Variants in TPMT observed in about 807,000 individuals in gnomAD.
The protein encoded by TPMT is S-adenosyl-L-methionine:thiopurine S-methyltransferase.
In TPMT, 18 loss-of-function variants were observed where a neutral mutation model predicts 34.2. The observed-to-expected ratio is 0.53, with a 90% CI of 0.36 to 0.78. TPMT has a LOEUF of 0.78. TPMT is among the 30% of genes least tolerant of loss of function. The probability of loss-of-function intolerance (pLI) is 0.00; values close to 1 mark genes in which losing one functional copy is unlikely to be tolerated. For synonymous variants in TPMT, 69 were observed against 92.4 expected, an observed-to-expected ratio of 0.75 and a Z score of 1.45; for missense variants, 265 against 288.1, an observed-to-expected ratio of 0.92 and a Z score of 0.58.
Position 18,149,644 on chromosome 6 carries a change from T to TTG in TPMT, c.-44-474_-44-473insCA, listed in dbSNP as rs1374930884. Among the ~76,000 whole-genome samples the TTG allele has an allele frequency of 1.3e-5, 2 of 152,052 alleles. No individual in the cohort carries two copies. The highest frequency in any genetic ancestry group is 6.6e-5 in the Admixed American group (1 of 15,252). ...GGTTAATTTTTGTATATATATATTT[T>TTG]TTAATAGAGATGGTTCTCATTTTGT... On this transcript the variant is annotated intron_variant, in intron 1 of 8. Transcript: ENST00000309983. The surrounding 1 kb of genome is among the most constrained non-coding windows in gnomAD (Gnocchi z 5.0).
intron 4 of TPMT, among the ~76,000 whole-genome samples, chr6:18,142,029 A>G (rs968835902): frequency 6.6e-6 from 1 of 152,166 alleles, no homozygotes; most frequent in Non-Finnish European, 1.5e-5. Flanking sequence ...CAGCCTTCCC[A>G]GCACGTTATG....
At chr6:18,147,982 C>G in intron 2 of TPMT, 67 bp from the exon 3 acceptor site, 8 of 1,196,014 alleles carry the variant, frequency 6.7e-6, no homozygotes, top group Non-Finnish European at 9.9e-6. Flanking sequence ...CATTCATTAT[C>G]TCACTTAATA....
rs1225316833 is a variant in TPMT, at chr6:18,132,449, T to C, written c.581-272A>G. Among the ~76,000 whole-genome samples the C allele has an allele frequency of 1.3e-5, 2 of 152,070 alleles. No individual in the cohort carries two copies. The highest frequency in any genetic ancestry group is 2.9e-5 in the Non-Finnish European group (2 of 68,012). On this transcript the variant is annotated intron_variant, in intron 7 of 8. Transcript: ENST00000309983. This position sits in a 1 kb window ranked among gnomAD's most constrained non-coding sequence, Gnocchi z 4.8. ...GAGTGGATTCCATCAGCAGATTCCT[T>C]GGGGGTTTCAACCATCTTCTAGCAT...
chr6:18,133,904 A>G lies in TPMT; in HGVS notation c.495-15T>C. 1.2e-6 allele frequency: 2 copies of G among 1,604,304 alleles called. No homozygotes were observed. The highest frequency in any genetic ancestry group is 4.5e-5 in the East Asian group (2 of 44,808). ...TATCTGCATAGCTACAAAGAACACA[A>G]GAAGGTATTTGTTACATTTCTCTAC... On this transcript the variant is annotated splice_polypyrimidine_tract_variant and intron_variant, in intron 6 of 8. Coordinates refer to ENST00000309983, the MANE Select transcript of TPMT (RefSeq NM_000367.5).
In TPMT at chr6:18,140,379, T is replaced by C. The variant is rs1399530973; in HGVS notation, c.367-662A>G. ...CAGAGCAGGGGCCTGCCTGGGAGCA[T>C]CAGGGAGACTAAACAAAAGGTGACT... is the stretch of plus-strand genomic sequence containing the variant. On this transcript the variant is annotated intron_variant, in intron 4 of 8. Coordinates refer to ENST00000309983, the MANE Select transcript of TPMT (RefSeq NM_000367.5). The surrounding 1 kb of genome is among the most constrained non-coding windows in gnomAD (Gnocchi z 4.7). Among the ~76,000 whole-genome samples, 2 of 152,160 alleles carry C rather than the reference T, an allele frequency of 1.3e-5. No homozygotes were observed. Among genetic ancestry groups the C allele is most frequent in the African/African-American group, 4.8e-5 (2 of 41,434 alleles).
At chr6:18,137,584 TATTTTA>T (rs1451431487) in intron 6 of TPMT, among the ~76,000 whole-genome samples, 3 of 152,244 alleles carry the variant, frequency 2.0e-5, no homozygotes, top group Non-Finnish European at 4.4e-5. Flanking sequence ...TCCTCACTCA[TATTTTA>T]ATTTTATTTT....
rs772832951 is a variant in TPMT at position 18,133,870 on chromosome 6, A to G, written c.514T>C (p.Ser172Pro). 9 of 1,613,778 alleles carry G rather than the reference A, an allele frequency of 5.6e-6. No individual in the cohort carries two copies. The East Asian group carries it at 2.0e-4, about 36-fold the overall frequency. Residue 172 changes from serine (S) to proline (P), a missense_variant, in exon 7 of 9, where the codon TCC becomes CCC. Coordinates refer to ENST00000309983, the MANE Select transcript of TPMT (RefSeq NM_000367.5). ...DRKCYADTMFSLLGKKFQYLL... is the reference protein window; with the variant it reads ...DRKCYADTMFPLLGKKFQYLL... ...TACTGAAACTTCTTTCCCAGGAGGG[A>G]AAACATTGTATCTGCATAGCTACAA...
chr6:18,139,575 A>G lies in TPMT; in HGVS notation c.419+90T>C. On this transcript the variant is annotated intron_variant, in intron 5 of 8. Coordinates refer to ENST00000309983, the MANE Select transcript of TPMT (RefSeq NM_000367.5). The surrounding 1 kb of genome is among the most constrained non-coding windows in gnomAD (Gnocchi z 4.2). ...GCTTTGTGGATGTTACACAGGAGGA[A>G]GAGAGTGAGGAAGACACCTCCACTC... is the stretch of plus-strand genomic sequence containing the variant. The G allele has an allele frequency of 9.7e-7, 1 of 1,031,644 alleles. No homozygotes were observed. Among genetic ancestry groups the G allele is most frequent in the Non-Finnish European group, 1.5e-6 (1 of 659,332 alleles). The allele number at this position is 1,031,644 out of a possible 1,614,324, so 63.9% of individuals were successfully genotyped here.
In TPMT at chr6:18,136,419, G is replaced by GC. The variant is rs1784041472; in HGVS notation, c.495-2531dup. 6.6e-6 allele frequency among the ~76,000 whole-genome samples: 1 copy of GC among 151,886 alleles called. No homozygotes were observed. On this transcript the variant is annotated intron_variant, in intron 6 of 8. Coordinates refer to ENST00000309983, the MANE Select transcript of TPMT (RefSeq NM_000367.5). The surrounding 1 kb of genome is among the most constrained non-coding windows in gnomAD (Gnocchi z 4.7). ...CCATGTATAATCTGTTCAGTTACTT[G>GC]CCCCGCCTCTGGCATACTATCTATT...
Position 18,145,588 on chromosome 6 carries a change from G to A in TPMT, c.234-1860C>T, listed in dbSNP as rs779313178. Among the ~76,000 whole-genome samples the A allele has an allele frequency of 2.0e-5, 3 of 152,188 alleles. No homozygotes were observed. Among genetic ancestry groups the A allele is most frequent in the Non-Finnish European group, 4.4e-5 (3 of 68,028 alleles). On this transcript the variant is annotated intron_variant, in intron 3 of 8. Coordinates refer to ENST00000309983, the MANE Select transcript of TPMT (RefSeq NM_000367.5). The surrounding 1 kb of genome is among the most constrained non-coding windows in gnomAD (Gnocchi z 5.6). The stretch of plus-strand genomic sequence containing the variant: ...GTACCTTTTATCTACAAAAGAGTAC[G>A]TACTTTCAATGTGGGCAGAGCATGA...
At chr6:18,147,241 C>T (rs916253678) in intron 3 of TPMT, among the ~76,000 whole-genome samples, 1 of 152,158 alleles carries the variant, frequency 6.6e-6, no homozygotes, top group Non-Finnish European at 1.5e-5. Context: ...AGAATGATGT[C>T]GAGGTGACTT....
Position 18,149,079 on chromosome 6 carries a change from C to T in TPMT, c.49G>A (p.Glu17Lys), listed in dbSNP as rs772470049. ...SLDIEEYSDT[E>K]VQKNQVLTLE... is the part of the protein sequence containing the mutation. ...GTTAGTACTTGGTTTTTCTGTACCT[C>T]AGTATCCGAGTACTCTTCAATGTCA... is the stretch of plus-strand genomic sequence containing the variant. The change falls in exon 2 of 9, where the codon GAG (glutamate) becomes AAG (lysine). Residue 17 changes from glutamate to lysine, a missense_variant. Coordinates refer to ENST00000309983, the MANE Select transcript of TPMT (RefSeq NM_000367.5). The surrounding 1 kb of genome is among the most constrained non-coding windows in gnomAD (Gnocchi z 5.0). 1 of 1,613,998 alleles carries T rather than the reference C, an allele frequency of 6.2e-7. No individual in the cohort carries two copies. Among genetic ancestry groups the T allele is most frequent in the Non-Finnish European group, 8.5e-7 (1 of 1,180,020 alleles).
rs918837068 is a variant in TPMT, at chr6:18,135,933, G to C, written c.495-2044C>G. The stretch of plus-strand genomic sequence containing the variant: ...TAATATCGCCCTTGCTCAGAGTGCA[G>C]TTCACTTCTTCCATTCATTTATTTA... On this transcript the variant is annotated intron_variant, in intron 6 of 8. Coordinates refer to ENST00000309983, the MANE Select transcript of TPMT (RefSeq NM_000367.5). This position sits in a 1 kb window ranked among gnomAD's most constrained non-coding sequence, Gnocchi z 5.0. 2.6e-5 allele frequency among the ~76,000 whole-genome samples: 4 copies of C among 152,032 alleles called. No homozygotes were observed. Among genetic ancestry groups the C allele is most frequent in the Non-Finnish European group, 4.4e-5 (3 of 68,008 alleles).
rs886061263 is a variant in TPMT, at chr6:18,130,339, T to C, written c.*329A>G. 7 of 240,702 alleles carry C rather than the reference T, an allele frequency of 2.9e-5. No homozygotes were observed. Among genetic ancestry groups the C allele is most frequent in the African/African-American group, 4.6e-5 (2 of 43,144 alleles). The allele number at this position is 240,702 out of a possible 1,614,324, so 14.9% of individuals were successfully genotyped here. A position where few individuals can be genotyped will look rare whatever the true frequency, so the allele number is the denominator to read the frequency against. ...TTTTCTGTGTGTATTATATTTAATA[T>C]GCATTGCATTTTGAAATATTTTTTT... On this transcript the variant is annotated 3_prime_UTR_variant, in exon 9 of 9. Transcript: ENST00000309983. This position sits in a 1 kb window ranked among gnomAD's most constrained non-coding sequence, Gnocchi z 4.2.
Position 18,132,027 on chromosome 6 carries a change from T to G in TPMT, c.625+106A>C. Reference sequence around the variant, plus strand: ...CCTGGCCTCAGGTGATCTGCCCACCTTGGCCTCCCAAAGTGCTGGAAATAC... The same window carrying G: ...CCTGGCCTCAGGTGATCTGCCCACCGTGGCCTCCCAAAGTGCTGGAAATAC... On this transcript the variant is annotated intron_variant, in intron 8 of 8. Coordinates refer to ENST00000309983, the MANE Select transcript of TPMT (RefSeq NM_000367.5). The surrounding 1 kb of genome is among the most constrained non-coding windows in gnomAD (Gnocchi z 4.8). 3 of 1,223,174 alleles carry G rather than the reference T, an allele frequency of 2.5e-6. No homozygotes were observed. In the South Asian group the frequency reaches 3.6e-5, roughly 15 times the overall value. 75.8% of individuals were successfully genotyped at this position (1,223,174 alleles called of 1,614,324 possible).
At chr6:18,133,732 T>G in intron 7 of TPMT, 72 bp downstream of exon 7, 1 of 1,119,512 alleles carries the variant, frequency 8.9e-7, no homozygotes, top group Non-Finnish European at 1.3e-6. Context: ...ATAATTCTTA[T>G]CCATGTCATA....
chr6:18,141,235 T>A lies in TPMT; in HGVS notation c.367-1518A>T, dbSNP rs186221950. On this transcript the variant is annotated intron_variant, in intron 4 of 8. Coordinates refer to ENST00000309983, the MANE Select transcript of TPMT (RefSeq NM_000367.5). ...GGCCTGGAAGCAGGACTAGCCCTTT[T>A]TGGACTGAGTAAACTCCTTGGATTC... Among the ~76,000 whole-genome samples the A allele has an allele frequency of 2.0e-3, 306 of 152,306 alleles. 2 individuals are homozygous for A. The highest frequency in any genetic ancestry group is 6.9e-3 in the African/African-American group (288 of 41,574).
Position 18,143,873 on chromosome 6 carries a change from G to T in TPMT, c.234-145C>A. 9.2e-7 allele frequency: 1 copy of T among 1,085,346 alleles called. No homozygotes were observed. Among genetic ancestry groups the T allele is most frequent in the Non-Finnish European group, 1.3e-6 (1 of 754,330 alleles). The allele number at this position is 1,085,346 out of a possible 1,614,324, so 67.2% of individuals were successfully genotyped here. On this transcript the variant is annotated intron_variant, in intron 3 of 8. Coordinates refer to ENST00000309983, the MANE Select transcript of TPMT (RefSeq NM_000367.5). The surrounding 1 kb of genome is among the most constrained non-coding windows in gnomAD (Gnocchi z 6.1). The stretch of plus-strand genomic sequence containing the variant: ...AGGGTTTCAAAGAACATGCAGGAAA[G>T]CAGATCTATATTATTTTCAAACCTT...
rs1784048023 is a variant in TPMT at position 18,136,759 on chromosome 6, G to A, written c.494+2204C>T. Among the ~76,000 whole-genome samples the A allele has an allele frequency of 6.6e-6, 1 of 152,206 alleles. No individual in the cohort carries two copies. On this transcript the variant is annotated intron_variant, in intron 6 of 8. Transcript: ENST00000309983. This position sits in a 1 kb window ranked among gnomAD's most constrained non-coding sequence, Gnocchi z 4.7. ...TGGCAGGCAGAGGTTGCGGTGAGCC[G>A]AGATAGTGCCATTGCACTCCAGCCT...
Sources: allele counts gnomAD v4.1 joint callset (sites outside exome capture counted in the v4.1 genomes callset), GRCh38; gene constraint gnomAD v4.1.1; non-coding constraint Gnocchi (gnomAD v3.1); transcripts MANE v1.5; gene names NCBI Gene and HGNC (gene_info 2026-07-23, HGNC 2026-07-21).